Variants in EVI5 observed in about 807,000 individuals in gnomAD.
The protein encoded by EVI5 is ecotropic viral integration site 5.
In EVI5, 73 loss-of-function variants were observed where a neutral mutation model predicts 112.0. That is an observed-to-expected ratio of 0.65 (90% confidence interval 0.54 to 0.79). EVI5 has a LOEUF of 0.79. Ranked by LOEUF, EVI5 falls within the 30% of genes least tolerant of loss-of-function variation. The pLI is 0.00. For synonymous variants in EVI5, 305 were observed against 319.9 expected (o/e 0.95, Z 0.50); for missense variants, 900 against 968.8 (o/e 0.93, Z 0.94).
intron 18 of EVI5, among the ~76,000 whole-genome samples, chr1:92,581,696 A>AG (rs972330844): frequency 3.0e-4 from 45 of 152,056 alleles, no homozygotes; most frequent in African/African-American, 1.1e-3. Context: ...TTTTGCTTAA[A>AG]AAAAAAAAAA....
chr1:92,595,255 G>T (rs1490733159), intron 18 of EVI5, among the ~76,000 whole-genome samples: 2 of 151,776 alleles, frequency 1.3e-5, no homozygotes, highest in Admixed American at 1.3e-4. Context: ...ATGAGTTCAT[G>T]TCCTTTGTAG....
rs181538397 is a variant in EVI5 at position 92,650,251 on chromosome 1, C to A, written c.1392+12468G>T. Among the ~76,000 whole-genome samples the A allele has an allele frequency of 2.0e-5, 3 of 152,254 alleles. No individual in the cohort carries two copies. In the East Asian group the frequency reaches 5.8e-4, roughly 29 times the overall value. Reference sequence around the variant, plus strand: ...TTTGATAGGTTTGATAGGATTGAATCTGTAGGTGATTTTGGGTAGTACTGA... The same window carrying A: ...TTTGATAGGTTTGATAGGATTGAATATGTAGGTGATTTTGGGTAGTACTGA... On this transcript the variant is annotated intron_variant, in intron 13 of 19. Transcript: ENST00000684568.
chr1:92,592,643 A>G (rs1571765799), intron 18 of EVI5, among the ~76,000 whole-genome samples: 1 of 152,206 alleles, frequency 6.6e-6, no homozygotes, highest in African/African-American at 2.4e-5. Flanking sequence ...TGCTTTTTTG[A>G]AAAGATCAAC....
intron 19 of EVI5, among the ~76,000 whole-genome samples, chr1:92,526,661 G>T (rs1295573113): frequency 6.6e-6 from 1 of 152,166 alleles, no homozygotes; most frequent in Non-Finnish European, 1.5e-5. Context: ...AAAAATTATG[G>T]AGACAGTAAG....
chr1:92,717,693 A>G lies in EVI5; in HGVS notation c.150-12949T>C, dbSNP rs1673986902. Reference sequence around the variant, plus strand: ...TGACAGGATCAAATTCACACATAACAATATTAACCTTAAATGTAAATGGGC... The same window carrying G: ...TGACAGGATCAAATTCACACATAACGATATTAACCTTAAATGTAAATGGGC... On this transcript the variant is annotated intron_variant, in intron 2 of 19. Transcript: ENST00000684568. Among the ~76,000 whole-genome samples the G allele has an allele frequency of 2.0e-5, 3 of 152,204 alleles. No homozygotes were observed. The South Asian group carries it at 6.2e-4, about 31-fold the overall frequency.
At chr1:92,514,093 T>C (rs1182156281) in intron 19 of EVI5, 123 bp from the exon 20 acceptor site, 5 of 564,640 alleles carry the variant, frequency 8.9e-6, no homozygotes, top group South Asian at 3.6e-5. Flanking sequence ...GGTATAATCA[T>C]AGTTACTAAT....
intron 18 of EVI5, among the ~76,000 whole-genome samples, chr1:92,592,362 T>C (rs974143148): frequency 6.6e-6 from 1 of 152,240 alleles, no homozygotes; most frequent in Non-Finnish European, 1.5e-5. Context: ...AAGATGTTCT[T>C]TGAAACCAAT....
chr1:92,587,109 G>C, intron 18 of EVI5, among the ~76,000 whole-genome samples: 1 of 151,938 alleles, frequency 6.6e-6, no homozygotes, highest in Non-Finnish European at 1.5e-5. Context: ...AAATTTAACT[G>C]TGTACTGAAG....
At chr1:92,526,984 T>A (rs913447565) in intron 19 of EVI5, among the ~76,000 whole-genome samples, 1 of 152,220 alleles carries the variant, frequency 6.6e-6, no homozygotes, top group African/African-American at 2.4e-5. Context: ...TTCCACTTAA[T>A]TTTTAATTAT....
rs1307440475 is a variant in EVI5 at position 92,704,644 on chromosome 1, T to C, written c.250A>G (p.Ser84Gly). Residue 84 changes from serine to glycine, a missense_variant, in exon 3 of 20, where the codon AGT becomes GGT. Ser to Gly is a moderately conservative substitution (Grantham distance 56). Transcript: ENST00000684568. Reference protein sequence around the residue: ...VSSSSASSNLSHLEEDSWILW... With the variant: ...VSSSSASSNLGHLEEDSWILW... The stretch of plus-strand genomic sequence containing the variant: ...ATCCAAGAATCTTCTTCAAGGTGAC[T>C]GAGGTTGCTAGAGGCTGATGAACTC... The C allele has an allele frequency of 2.5e-6, 4 of 1,605,016 alleles. No homozygotes were observed. Among genetic ancestry groups the C allele is most frequent in the Non-Finnish European group, 3.4e-6 (4 of 1,174,126 alleles).
At chr1:92,582,483 AG>A (rs1672099264) in intron 18 of EVI5, among the ~76,000 whole-genome samples, 1 of 152,190 alleles carries the variant, frequency 6.6e-6, no homozygotes, top group South Asian at 2.1e-4. Flanking sequence ...AGTCATGGGA[AG>A]ATTAGGGAGC....
intron 2 of EVI5, among the ~76,000 whole-genome samples, chr1:92,717,637 T>C (rs1305958602): frequency 6.6e-6 from 1 of 152,146 alleles, no homozygotes; most frequent in Non-Finnish European, 1.5e-5. Context: ...CTGTATCAAT[T>C]AACGGGCAAA....
chr1:92,514,399 G>T (rs986687132), intron 19 of EVI5, among the ~76,000 whole-genome samples: 3 of 152,094 alleles, frequency 2.0e-5, no homozygotes, highest in Admixed American at 6.6e-5. Flanking sequence ...CAAGCAATCT[G>T]CCTGCCTCAG....
chr1:92,683,096 T>C (rs1206795220), intron 9 of EVI5, among the ~76,000 whole-genome samples: 5 of 152,230 alleles, frequency 3.3e-5, no homozygotes, highest in East Asian at 1.9e-4. Context: ...TTACATTTAC[T>C]TCCTGTCATT....
intron 13 of EVI5, among the ~76,000 whole-genome samples, chr1:92,649,023 A>C (rs1010618172): frequency 1.3e-5 from 2 of 152,094 alleles, no homozygotes; most frequent in African/African-American, 4.8e-5. Context: ...CAACTTTTCC[A>C]CCTCATTGCC....
intron 13 of EVI5, among the ~76,000 whole-genome samples, chr1:92,645,816 C>T (rs1434049036): frequency 2.6e-5 from 4 of 152,156 alleles, no homozygotes; most frequent in Admixed American, 2.6e-4. Context: ...AATCCCCTTG[C>T]CTTTGGGCTA....
At chr1:92,623,417 C>G (rs1433166895) in intron 16 of EVI5, among the ~76,000 whole-genome samples, 1 of 151,992 alleles carries the variant, frequency 6.6e-6, no homozygotes, top group Non-Finnish European at 1.5e-5. Context: ...CTTTAAAAGC[C>G]AAAAAACAAC....
At position 92,511,654 on chromosome 1, in the gene EVI5, T is replaced by G. The variant is rs984672616; in HGVS notation, c.*2002A>C. On this transcript the variant is annotated 3_prime_UTR_variant, in exon 20 of 20. Coordinates refer to ENST00000684568, the MANE Select transcript of EVI5 (RefSeq NM_001350197.2). ...TTCAAGACCAGCCTGGACAACACAG[T>G]GAGACACCTGTCTCTATATTAAAAA... 6.6e-6 allele frequency: 1 copy of G among 152,066 alleles called. No homozygotes were observed. The highest frequency in any genetic ancestry group is 6.6e-5 in the Admixed American group (1 of 15,240). 9.4% of individuals were successfully genotyped at this position (152,066 alleles called of 1,614,324 possible). A position where few individuals can be genotyped will look rare whatever the true frequency, so the allele number is the denominator to read the frequency against.
At position 92,613,907 on chromosome 1, in the gene EVI5, T is replaced by A. The variant is rs535583222; in HGVS notation, c.1828-6180A>T. Among the ~76,000 whole-genome samples the A allele has an allele frequency of 5.9e-5, 9 of 152,274 alleles. No homozygotes were observed. The East Asian group carries it at 1.7e-3, about 29-fold the overall frequency. On this transcript the variant is annotated intron_variant, in intron 16 of 19. Coordinates refer to ENST00000684568, the MANE Select transcript of EVI5 (RefSeq NM_001350197.2). Reference sequence around the variant, plus strand: ...GTGCCTGTCTAAGACTGAGGCTTCATCAGAACAATAGAAAACACTGTTGCC... The same window carrying A: ...GTGCCTGTCTAAGACTGAGGCTTCAACAGAACAATAGAAAACACTGTTGCC...
Sources: allele counts gnomAD v4.1 joint callset (sites outside exome capture counted in the v4.1 genomes callset), GRCh38; gene constraint gnomAD v4.1.1; transcripts MANE v1.5; gene names NCBI Gene and HGNC (gene_info 2026-07-23, HGNC 2026-07-21).